The following RPH3A variants were observed in gnomAD, a reference collection of about 807,000 sequenced individuals.
RPH3A encodes the protein rabphilin-3A.
In RPH3A, 48 loss-of-function variants were observed where a neutral mutation model predicts 102.2. That is an observed-to-expected ratio of 0.47 (90% CI 0.37 to 0.60). The LOEUF is 0.60. Ranked by LOEUF, RPH3A falls within the 20% of genes least tolerant of loss-of-function variation. RPH3A has a pLI of 0.00. For missense variants in RPH3A, 781 were observed against 910.1 expected (o/e 0.86, Z 1.83); for synonymous variants, 310 against 324.3 (o/e 0.96, Z 0.47).
chr12:112,716,853 G>A (rs2040516725), intron 1 of RPH3A, among the ~76,000 whole-genome samples: 1 of 152,184 alleles, frequency 6.6e-6, no homozygotes, highest in Non-Finnish European at 1.5e-5. Flanking sequence ...GGACACTCTG[G>A]TGAGCACAGG....
chr12:112,686,937 C>A (rs148886124), intron 1 of RPH3A, among the ~76,000 whole-genome samples: 2 of 152,056 alleles, frequency 1.3e-5, no homozygotes, highest in Non-Finnish European at 2.9e-5. Flanking sequence ...TTTGCGACAC[C>A]GTCTCTGCCA....
chr12:112,734,554 C>A (rs1236116773), intron 1 of RPH3A, among the ~76,000 whole-genome samples: 1 of 152,174 alleles, frequency 6.6e-6, no homozygotes, highest in African/African-American at 2.4e-5. Context: ...AAAGCGAAAG[C>A]AAGTTTATTA....
chr12:112,659,166 A>G (rs950175266), intron 1 of RPH3A, among the ~76,000 whole-genome samples: 1 of 152,190 alleles, frequency 6.6e-6, no homozygotes, highest in Non-Finnish European at 1.5e-5. Context: ...ACAAACAAAG[A>G]TATTCTCCTG....
intron 1 of RPH3A, among the ~76,000 whole-genome samples, chr12:112,746,098 C>A (rs899236708): frequency 1.3e-5 from 2 of 152,126 alleles, no homozygotes; most frequent in African/African-American, 4.8e-5. Flanking sequence ...GTGTGTTTCA[C>A]ATCTTTTTTC....
At chr12:112,748,640 C>A (rs557290888) in intron 1 of RPH3A, among the ~76,000 whole-genome samples, 1 of 152,086 alleles carries the variant, frequency 6.6e-6, no homozygotes, top group Non-Finnish European at 1.5e-5. Flanking sequence ...TGGCCTGCTC[C>A]CACTCTTGAA....
intron 1 of RPH3A, among the ~76,000 whole-genome samples, chr12:112,624,383 G>A (rs926383853): frequency 3.2e-4 from 47 of 148,812 alleles, no homozygotes; most frequent in Non-Finnish European, 1.0e-4. Context: ...TATCACCACC[G>A]ATCCCACAGA....
chr12:112,831,762 G>A (rs1307934745), intron 3 of RPH3A: 1 of 455,554 alleles, frequency 2.2e-6, no homozygotes, highest in Non-Finnish European at 4.4e-6. Context: ...CATTCTAGGT[G>A]GACTTTGAAG....
chr12:112,847,091 C>T (rs1219520762), intron 4 of RPH3A, among the ~76,000 whole-genome samples: 3 of 152,186 alleles, frequency 2.0e-5, no homozygotes, highest in East Asian at 3.9e-4. Context: ...TAAGCTGAGG[C>T]GGGCACACAG....
At chr12:112,639,164 C>G (rs1422156783) in intron 1 of RPH3A, among the ~76,000 whole-genome samples, 3 of 152,138 alleles carry the variant, frequency 2.0e-5, no homozygotes, top group Non-Finnish European at 4.4e-5. Flanking sequence ...TTATGCTGGC[C>G]TCAAGAGCAG....
chr12:112,672,536 A>G (rs939876556), intron 1 of RPH3A, among the ~76,000 whole-genome samples: 1 of 152,178 alleles, frequency 6.6e-6, no homozygotes, highest in Non-Finnish European at 1.5e-5. Context: ...CACCATGGAA[A>G]GGACTCAGCA....
chr12:112,857,912 G>A lies in RPH3A; in HGVS notation c.231-7502G>A, dbSNP rs543080760. Among the ~76,000 whole-genome samples the A allele has an allele frequency of 4.5e-3, 678 of 152,192 alleles. 3 individuals are homozygous for A. Among genetic ancestry groups the A allele is most frequent in the Non-Finnish European group, 7.2e-3 (490 of 68,010 alleles). On this transcript the variant is annotated intron_variant, in intron 5 of 21. Transcript: ENST00000389385. ...CTGCTTCATTCTACCTGGAACAGCC[G>A]CAGCATCTGAAACTCTCACTGCACT...
chr12:112,894,712 G>T (rs2043151980), intron 20 of RPH3A, 53 bp downstream of exon 20: 8 of 1,526,174 alleles, frequency 5.2e-6, no homozygotes, highest in Non-Finnish European at 7.2e-6. Flanking sequence ...GTGTGTTAGA[G>T]AGGCACAAAT....
chr12:112,708,899 A>G (rs1203417404), intron 1 of RPH3A, among the ~76,000 whole-genome samples: 1 of 152,220 alleles, frequency 6.6e-6, no homozygotes, highest in African/African-American at 2.4e-5. Context: ...TGCTATAGAT[A>G]GGAAAATAAA....
chr12:112,616,272 G>A (rs551494998), intron 1 of RPH3A, among the ~76,000 whole-genome samples: 4 of 151,952 alleles, frequency 2.6e-5, no homozygotes, highest in East Asian at 1.9e-4. Context: ...TCAGCCTCCC[G>A]AACAGCTGGG....
chr12:112,810,861 C>G (rs916798785), intron 2 of RPH3A, among the ~76,000 whole-genome samples: 2 of 151,998 alleles, frequency 1.3e-5, no homozygotes, highest in African/African-American at 4.8e-5. Context: ...TTTGATTAAT[C>G]TAGTACTGCA....
intron 1 of RPH3A, among the ~76,000 whole-genome samples, chr12:112,750,640 G>C (rs2040780359): frequency 6.6e-6 from 1 of 152,140 alleles, no homozygotes; most frequent in Non-Finnish European, 1.5e-5. Context: ...TGTAAGAGAG[G>C]ATGCTGCTAT....
intron 5 of RPH3A, among the ~76,000 whole-genome samples, chr12:112,858,795 C>T (rs1226378552): frequency 6.6e-6 from 1 of 152,176 alleles, no homozygotes; most frequent in African/African-American, 2.4e-5. Flanking sequence ...ACGTTGGGAA[C>T]CTGCTTCTCA....
At chr12:112,735,912 A>T (rs2040666265) in intron 1 of RPH3A, among the ~76,000 whole-genome samples, 1 of 152,164 alleles carries the variant, frequency 6.6e-6, no homozygotes, top group Admixed American at 6.5e-5. Flanking sequence ...CACGATTCCC[A>T]TTTGAGAGAA....
At chr12:112,788,458 G>A (rs552066198), upstream of RPH3A, among the ~76,000 whole-genome samples, 14 of 152,312 alleles carry the variant, frequency 9.2e-5, no homozygotes, top group South Asian at 2.9e-3. Flanking sequence ...AGGCTTTGGA[G>A]TCAGACAGAC....
Sources: allele counts gnomAD v4.1 joint callset (sites outside exome capture counted in the v4.1 genomes callset), GRCh38; gene constraint gnomAD v4.1.1; transcripts MANE v1.5; gene names NCBI Gene and HGNC (gene_info 2026-07-23, HGNC 2026-07-21).